Variants in SLC14A2 observed in about 807,000 individuals in gnomAD.
SLC14A2 encodes the protein urea transporter 2.
SLC14A2 carries 91 observed loss-of-function variants against 104.6 expected under a neutral mutation model. That is an observed-to-expected ratio of 0.87 (90% CI 0.73 to 1.04). The LOEUF is 1.04. SLC14A2 is among the 50% of genes least tolerant of loss of function. The probability of loss-of-function intolerance (pLI) is 0.00; values close to 1 mark genes in which losing one functional copy is unlikely to be tolerated. For missense variants in SLC14A2, 1,189 were observed against 1,156.0 expected, an observed-to-expected ratio of 1.03 and a Z score of -0.41; for synonymous variants, 476 against 466.4, an observed-to-expected ratio of 1.02 and a Z score of -0.27.
chr18:45,539,420 C>A (rs1038211958), intron 2 of SLC14A2, among the ~76,000 whole-genome samples: 2 of 152,182 alleles, frequency 1.3e-5, no homozygotes, highest in Non-Finnish European at 2.9e-5. Context: ...CCTGGACAGG[C>A]CAGGCCAATG....
At chr18:45,422,496 C>T (rs1274645913) in intron 1 of SLC14A2, among the ~76,000 whole-genome samples, 2 of 152,040 alleles carry the variant, frequency 1.3e-5, no homozygotes, top group African/African-American at 4.8e-5. Flanking sequence ...CAGATTTAGG[C>T]TAAGCGTGAG....
upstream of SLC14A2, among the ~76,000 whole-genome samples, chr18:45,211,607 C>G (rs1176364361): frequency 6.6e-6 from 1 of 152,172 alleles, no homozygotes; most frequent in Non-Finnish European, 1.5e-5. Context: ...TCTCTTCTTT[C>G]TGCTCTCTCC....
chr18:45,514,405 A>G lies in SLC14A2; in HGVS notation c.-35+31083A>G, dbSNP rs1187069370. Among the ~76,000 whole-genome samples, 3 of 152,064 alleles carry G rather than the reference A, an allele frequency of 2.0e-5. No homozygotes were observed. The East Asian group carries it at 5.8e-4, about 29-fold the overall frequency. ...CAGGAAAGGTGCTAAACTATTAGAA[A>G]CCACCCCCATGATCTAATCACCTCC... is the stretch of plus-strand genomic sequence containing the variant. On this transcript the variant is annotated intron_variant, in intron 2 of 20. Coordinates refer to the SLC14A2 transcript ENST00000586448.
chr18:45,182,478 A>C, the SLC14A2 span, among the ~76,000 whole-genome samples: 2 of 151,924 alleles, frequency 1.3e-5, no homozygotes, highest in Non-Finnish European at 2.9e-5. Flanking sequence ...AACTTTGAAA[A>C]GATAAATAAT....
intron 12 of SLC14A2, among the ~76,000 whole-genome samples, chr18:45,666,526 T>C (rs1380307829): frequency 2.0e-5 from 3 of 151,936 alleles, no homozygotes; most frequent in Non-Finnish European, 2.9e-5. Context: ...CATACCCTTA[T>C]GTTTATGAAC....
At chr18:45,656,893 C>T (rs147588842) in intron 10 of SLC14A2, among the ~76,000 whole-genome samples, 2 of 152,186 alleles carry the variant, frequency 1.3e-5, no homozygotes, top group Admixed American at 6.5e-5. Flanking sequence ...GGATGAGTCT[C>T]GCTTCTTTCA....
intron 2 of SLC14A2, among the ~76,000 whole-genome samples, chr18:45,525,945 C>T (rs1023098951): frequency 9.2e-5 from 14 of 152,102 alleles, no homozygotes; most frequent in Non-Finnish European, 1.6e-4. Flanking sequence ...TGTAACAAAT[C>T]TCAGCAAAAT....
chr18:45,230,549 A>G (rs2084164695), intron 1 of SLC14A2, among the ~76,000 whole-genome samples: 1 of 152,166 alleles, frequency 6.6e-6, no homozygotes, highest in Non-Finnish European at 1.5e-5. Context: ...CACCCAGACA[A>G]GTTAATCCAA....
intron 1 of SLC14A2, among the ~76,000 whole-genome samples, chr18:45,464,725 C>T (rs1274192219): frequency 2.6e-5 from 4 of 152,132 alleles, no homozygotes; most frequent in Non-Finnish European, 4.4e-5. Context: ...CTTGGGAGTG[C>T]GTGTGACCTT....
chr18:45,567,314 G>A (rs10502867), intron 2 of SLC14A2, among the ~76,000 whole-genome samples: 8,532 of 151,968 alleles, frequency 0.056, 256 homozygotes, highest in Non-Finnish European at 0.065. Flanking sequence ...AGACAGAGAC[G>A]CTGGCCCAGA....
chr18:45,545,399 A>T (rs1013321517), intron 2 of SLC14A2, among the ~76,000 whole-genome samples: 2 of 152,154 alleles, frequency 1.3e-5, no homozygotes, highest in Non-Finnish European at 1.5e-5. Flanking sequence ...GTTGCTATTT[A>T]TCATGCTCTT....
chr18:45,183,681 TTCTC>T, the SLC14A2 span, among the ~76,000 whole-genome samples: 4 of 151,900 alleles, frequency 2.6e-5, no homozygotes, highest in South Asian at 4.2e-4. Flanking sequence ...CTTTCTTTCT[TTCTC>T]TCTTTCTCTC....
chr18:45,525,208 C>G (rs897539469), intron 2 of SLC14A2, among the ~76,000 whole-genome samples: 5 of 152,184 alleles, frequency 3.3e-5, no homozygotes, highest in Middle Eastern at 3.4e-3. Flanking sequence ...TTCTCTCTGA[C>G]CTACCTGGGG....
intron 2 of SLC14A2, among the ~76,000 whole-genome samples, chr18:45,599,451 G>GT (rs1568293169): frequency 1.3e-5 from 2 of 152,134 alleles, no homozygotes; most frequent in African/African-American, 4.8e-5. Context: ...TGCAAAAGTA[G>GT]TTACCTTTCT....
At chr18:45,202,328 C>A in the SLC14A2 span, among the ~76,000 whole-genome samples, 1 of 152,032 alleles carries the variant, frequency 6.6e-6, no homozygotes, top group Non-Finnish European at 1.5e-5. Context: ...GGGAGTTGAT[C>A]CTTAGGATAA....
In SLC14A2 at chr18:45,682,480, A is replaced by G. The variant is rs1179289367; in HGVS notation, c.2724A>G (p.Ala908=). The stretch of plus-strand genomic sequence containing the variant: ...TGTCCCAGGAGAGAAACAGAAGGGC[A>G]TCAATCATAACAAAGTATCAGGCCT... ...YYLSQERNRR[A]SIITKYQAYD... is the part of the protein sequence containing the mutation. Residue 908 remains alanine (A), a synonymous_variant, in exon 20 of 20, where the codon GCA becomes GCG. Transcript: ENST00000255226. 7 of 1,614,090 alleles carry G rather than the reference A, an allele frequency of 4.3e-6. No individual in the cohort carries two copies. Among genetic ancestry groups the G allele is most frequent in the Non-Finnish European group, 5.1e-6 (6 of 1,180,014 alleles).
intron 1 of SLC14A2, among the ~76,000 whole-genome samples, chr18:45,478,796 G>T (rs1416236806): frequency 5.3e-5 from 8 of 151,958 alleles, no homozygotes. Flanking sequence ...AAAAGAGATT[G>T]TCAGTTGCCA....
At chr18:45,517,183 C>A (rs1598949908) in intron 2 of SLC14A2, among the ~76,000 whole-genome samples, 1 of 152,324 alleles carries the variant, frequency 6.6e-6, no homozygotes, top group Non-Finnish European at 1.5e-5. Context: ...GAAGACAGAG[C>A]TTTTCCCACA....
At chr18:45,245,818 G>T (rs572404477) in intron 1 of SLC14A2, among the ~76,000 whole-genome samples, 1 of 152,206 alleles carries the variant, frequency 6.6e-6, no homozygotes, top group South Asian at 2.1e-4. Context: ...TTGTATTCAT[G>T]TATTGAGTTC....
Sources: allele counts gnomAD v4.1 joint callset (sites outside exome capture counted in the v4.1 genomes callset), GRCh38; gene constraint gnomAD v4.1.1; transcripts MANE v1.5; gene names NCBI Gene and HGNC (gene_info 2026-07-23, HGNC 2026-07-21).